Variants in SEMA3E observed in about 807,000 individuals in gnomAD.
SEMA3E encodes the protein semaphorin 3E, also known as semaphorin-3E.
Under a neutral mutation model 93.6 loss-of-function variants are expected in SEMA3E, and 49 were observed. That is an observed-to-expected ratio of 0.52 (90% CI 0.42 to 0.66). The LOEUF is 0.66. Ranked by LOEUF, SEMA3E falls within the 30% of genes least tolerant of loss-of-function variation. The probability of loss-of-function intolerance (pLI) is 0.00; values close to 1 mark genes in which losing one functional copy is unlikely to be tolerated. For missense variants in SEMA3E, 906 were observed against 964.8 expected, an observed-to-expected ratio of 0.94 and a Z score of 0.81; for synonymous variants, 363 against 330.7, an observed-to-expected ratio of 1.10 and a Z score of -1.06.
chr7:83,522,555 G>A (rs1791071402), intron 1 of SEMA3E, among the ~76,000 whole-genome samples: 1 of 151,902 alleles, frequency 6.6e-6, no homozygotes, highest in South Asian at 2.1e-4. Flanking sequence ...CTCCTTCCTT[G>A]TCCTGATCCC....
chr7:83,446,114 T>C (rs1464576248), intron 4 of SEMA3E, among the ~76,000 whole-genome samples: 1 of 152,226 alleles, frequency 6.6e-6, no homozygotes, highest in African/African-American at 2.4e-5. Flanking sequence ...AACGTGGATA[T>C]TGACTCAGGG....
intron 1 of SEMA3E, among the ~76,000 whole-genome samples, chr7:83,514,136 C>A (rs1338980215): frequency 1.3e-5 from 2 of 152,122 alleles, no homozygotes; most frequent in Non-Finnish European, 2.9e-5. Flanking sequence ...TTACTAATGC[C>A]ATGGCAATGT....
intron 1 of SEMA3E, among the ~76,000 whole-genome samples, chr7:83,499,383 A>G (rs562054675): frequency 6.6e-6 from 1 of 152,282 alleles, no homozygotes; most frequent in East Asian, 1.9e-4. Flanking sequence ...CATAAACCAT[A>G]TGTAATTAAA....
chr7:83,525,718 T>G (rs1183562353), intron 1 of SEMA3E, among the ~76,000 whole-genome samples: 1 of 151,948 alleles, frequency 6.6e-6, no homozygotes, highest in South Asian at 2.1e-4. Flanking sequence ...CTGATCTTTA[T>G]GAAGATCTTT....
At chr7:83,447,284 C>G (rs1020036328) in intron 4 of SEMA3E, among the ~76,000 whole-genome samples, 1 of 152,134 alleles carries the variant, frequency 6.6e-6, no homozygotes, top group African/African-American at 2.4e-5. Context: ...CGCCTGTAAT[C>G]CCAGCACCTT....
At chr7:83,532,141 G>T (rs879633339) in intron 1 of SEMA3E, among the ~76,000 whole-genome samples, 1 of 152,080 alleles carries the variant, frequency 6.6e-6, no homozygotes, top group Admixed American at 6.6e-5. Flanking sequence ...AATCTTTTTA[G>T]ATTTTAAGGT....
chr7:83,418,338 T>C (rs1788598983), intron 5 of SEMA3E, 52 bp downstream of exon 5: 2 of 1,233,488 alleles, frequency 1.6e-6, no homozygotes, highest in African/African-American at 1.5e-5. Flanking sequence ...TTGAAATATA[T>C]GTTTTAAAAT....
intron 9 of SEMA3E, 77 bp downstream of exon 9, chr7:83,405,373 A>G: frequency 2.9e-6 from 3 of 1,035,432 alleles, no homozygotes; most frequent in Non-Finnish European, 4.6e-6. Flanking sequence ...CTTTCAACTT[A>G]TATACACCAT....
At position 83,460,704 on chromosome 7, in the gene SEMA3E, T is replaced by C. The variant is rs185556615; in HGVS notation, c.456+5778A>G. The stretch of plus-strand genomic sequence containing the variant: ...CCCTTATTTCTGCACCCCAATCCCT[T>C]ATTTCTGCGCCCCGACCTCTTGTAT... On this transcript the variant is annotated intron_variant, in intron 4 of 16. Coordinates refer to ENST00000643230, the MANE Select transcript of SEMA3E (RefSeq NM_012431.3). Among the ~76,000 whole-genome samples the C allele has an allele frequency of 1.8e-3, 276 of 150,960 alleles. 1 individual carries two copies. The highest frequency in any genetic ancestry group is 6.3e-3 in the African/African-American group (261 of 41,188).
At chr7:83,527,313 T>C (rs1791182033) in intron 1 of SEMA3E, among the ~76,000 whole-genome samples, 1 of 152,174 alleles carries the variant, frequency 6.6e-6, no homozygotes, top group African/African-American at 2.4e-5. Context: ...CAATTCCACT[T>C]GTGGTACTTT....
intron 1 of SEMA3E, among the ~76,000 whole-genome samples, chr7:83,553,574 T>G (rs1169190917): frequency 1.1e-4 from 16 of 152,178 alleles, no homozygotes; most frequent in Non-Finnish European, 1.5e-5. Flanking sequence ...CTGGCCTCGG[T>G]GAGTAATCAA....
At chr7:83,383,758 G>T (rs1421987738) in intron 16 of SEMA3E, among the ~76,000 whole-genome samples, 1 of 152,080 alleles carries the variant, frequency 6.6e-6, no homozygotes, top group South Asian at 2.1e-4. Context: ...ATTTCCAAAT[G>T]AGGCAGATTA....
intron 4 of SEMA3E, among the ~76,000 whole-genome samples, chr7:83,437,225 G>A (rs946956663): frequency 1.3e-5 from 2 of 151,984 alleles, no homozygotes; most frequent in Non-Finnish European, 2.9e-5. Flanking sequence ...TAACTGGATT[G>A]TCATCCAAAA....
At chr7:83,528,959 A>G (rs1216081160) in intron 1 of SEMA3E, among the ~76,000 whole-genome samples, 1 of 152,130 alleles carries the variant, frequency 6.6e-6, no homozygotes, top group Non-Finnish European at 1.5e-5. Flanking sequence ...TTTTTAGATG[A>G]TGAAAGTGTC....
chr7:83,433,695 T>C (rs933164531), intron 4 of SEMA3E, among the ~76,000 whole-genome samples: 2 of 152,128 alleles, frequency 1.3e-5, no homozygotes, highest in Non-Finnish European at 2.9e-5. Flanking sequence ...TTTTGAAGTA[T>C]AGATTTACAA....
intron 4 of SEMA3E, among the ~76,000 whole-genome samples, chr7:83,434,903 C>T (rs2115760121): frequency 6.6e-6 from 1 of 151,272 alleles, no homozygotes; most frequent in Non-Finnish European, 1.5e-5. Context: ...TTAGTAGAGA[C>T]GGGGTTTCAC....
intron 2 of SEMA3E, among the ~76,000 whole-genome samples, chr7:83,485,573 G>A (rs2115958684): frequency 6.6e-6 from 1 of 152,144 alleles, no homozygotes; most frequent in African/African-American, 2.4e-5. Flanking sequence ...AATCCCGGAA[G>A]AATGCAACAC....
At chr7:83,601,369 A>G (rs766591475) in intron 1 of SEMA3E, among the ~76,000 whole-genome samples, 3 of 152,306 alleles carry the variant, frequency 2.0e-5, no homozygotes, top group Non-Finnish European at 4.4e-5. Context: ...TCAGACAAAA[A>G]TCTACATTTT....
At chr7:83,603,142 C>T (rs1793033283) in intron 1 of SEMA3E, among the ~76,000 whole-genome samples, 1 of 152,112 alleles carries the variant, frequency 6.6e-6, no homozygotes, top group East Asian at 1.9e-4. Context: ...TGATATACCA[C>T]TAACCCAGTG....
Sources: allele counts gnomAD v4.1 joint callset (sites outside exome capture counted in the v4.1 genomes callset), GRCh38; gene constraint gnomAD v4.1.1; transcripts MANE v1.5; gene names NCBI Gene and HGNC (gene_info 2026-07-23, HGNC 2026-07-21).